NTM: variants seen among roughly 807,000 people sequenced by gnomAD.
NTM encodes IgLON family member 2.
Under a neutral mutation model 42.1 loss-of-function variants are expected in NTM, and 13 were observed. The observed-to-expected ratio is 0.31, with a 90% CI of 0.20 to 0.49. The LOEUF (loss-of-function observed/expected upper bound fraction) is 0.49. Among genes scored for constraint, NTM ranks in the 20% least tolerant of loss-of-function variants. The pLI, the probability that NTM is intolerant of heterozygous loss-of-function variation, is 0.99. For synonymous variants in NTM, 187 were observed against 179.2 expected (o/e 1.04, Z -0.35); for missense variants, 373 against 452.8 (o/e 0.82, Z 1.60).
At chr11:132,301,465 C>A (rs1179843984) in intron 4 of NTM, among the ~76,000 whole-genome samples, 1 of 152,188 alleles carries the variant, frequency 6.6e-6, no homozygotes, top group Non-Finnish European at 1.5e-5. Flanking sequence ...CTTCATGAGA[C>A]CTCAAAATCA....
intron 1 of NTM, among the ~76,000 whole-genome samples, chr11:131,612,585 T>C (rs534303291): frequency 2.0e-5 from 3 of 152,356 alleles, no homozygotes; most frequent in South Asian, 2.1e-4. Context: ...GCATATTAGA[T>C]GTCAAACATG....
chr11:131,514,343 C>T (rs1406574003), intron 1 of NTM, among the ~76,000 whole-genome samples: 1 of 152,062 alleles, frequency 6.6e-6, no homozygotes, highest in African/African-American at 2.4e-5. Flanking sequence ...CAGCTGAGTG[C>T]CCAGCACGTA....
At chr11:131,765,713 T>C (rs1353960506) in intron 1 of NTM, among the ~76,000 whole-genome samples, 1 of 152,154 alleles carries the variant, frequency 6.6e-6, no homozygotes, top group Non-Finnish European at 1.5e-5. Context: ...TTCACAGTCA[T>C]ACCCCATCCA....
At chr11:132,043,932 G>A (rs542439799) in intron 2 of NTM, among the ~76,000 whole-genome samples, 1 of 151,594 alleles carries the variant, frequency 6.6e-6, no homozygotes, top group Admixed American at 6.6e-5. Context: ...TGCCATCTCA[G>A]CATTTTAAGA....
At chr11:132,068,222 A>G (rs117689697) in intron 2 of NTM, among the ~76,000 whole-genome samples, 2,065 of 152,284 alleles carry the variant, frequency 0.014, 25 homozygotes, top group Non-Finnish European at 0.021. Context: ...GTTAATTTCT[A>G]AATCAAGGGT....
At chr11:131,535,201 A>G (rs112726107) in intron 1 of NTM, 4,984 of 152,328 alleles carry the variant, frequency 0.033, 117 homozygotes, top group Middle Eastern at 0.078. Context: ...TAATCGGTGC[A>G]TTGATTGCCT....
chr11:131,473,202 G>A (rs1393018898), intron 1 of NTM, among the ~76,000 whole-genome samples: 1 of 152,146 alleles, frequency 6.6e-6, no homozygotes, highest in African/African-American at 2.4e-5. Flanking sequence ...TTTGGGGCTT[G>A]GTAGCAGGCA....
At chr11:132,189,734 T>A (rs1425715558) in intron 3 of NTM, among the ~76,000 whole-genome samples, 5 of 152,172 alleles carry the variant, frequency 3.3e-5, no homozygotes, top group Admixed American at 3.3e-4. Flanking sequence ...CACTCCTGTG[T>A]CAATAGTTAT....
chr11:132,275,942 T>C (rs1236411070), intron 4 of NTM, among the ~76,000 whole-genome samples: 1 of 151,868 alleles, frequency 6.6e-6, no homozygotes, highest in Non-Finnish European at 1.5e-5. Context: ...ATTTTTCTTG[T>C]CTAATTGTGA....
At chr11:132,286,037 C>A (rs1301191293) in intron 4 of NTM, among the ~76,000 whole-genome samples, 1 of 152,194 alleles carries the variant, frequency 6.6e-6, no homozygotes, top group Non-Finnish European at 1.5e-5. Flanking sequence ...TCACCCCAAG[C>A]ACTTGGCTTG....
chr11:131,437,705 A>G (rs1949266649), intron 1 of NTM, among the ~76,000 whole-genome samples: 1 of 152,196 alleles, frequency 6.6e-6, no homozygotes, highest in Non-Finnish European at 1.5e-5. Context: ...GGTCTCCTGA[A>G]TAGAGCATAC....
chr11:131,588,058 ATT>A (rs754114627), intron 1 of NTM, among the ~76,000 whole-genome samples: 1 of 152,212 alleles, frequency 6.6e-6, no homozygotes, highest in Non-Finnish European at 1.5e-5. Context: ...GTCTCCTTTA[ATT>A]TTACATCACC....
intron 1 of NTM, among the ~76,000 whole-genome samples, chr11:131,743,066 G>T (rs1031147112): frequency 3.3e-5 from 5 of 152,182 alleles, no homozygotes; most frequent in African/African-American, 1.2e-4. Flanking sequence ...AAGGAGTTCA[G>T]AAAATAAGCT....
intron 2 of NTM, among the ~76,000 whole-genome samples, chr11:131,932,321 G>C (rs1237539415): frequency 1.3e-5 from 2 of 152,162 alleles, no homozygotes; most frequent in African/African-American, 4.8e-5. Flanking sequence ...AGGATGTCTA[G>C]AACAAGAATA....
intron 1 of NTM, among the ~76,000 whole-genome samples, chr11:131,631,780 C>T (rs1565352227): frequency 6.6e-6 from 1 of 152,246 alleles, no homozygotes; most frequent in East Asian, 1.9e-4. Context: ...AGAATGTCTG[C>T]CCTGTATCTT....
intron 1 of NTM, among the ~76,000 whole-genome samples, chr11:131,543,086 A>C: frequency 6.6e-6 from 1 of 152,218 alleles, no homozygotes; most frequent in Non-Finnish European, 1.5e-5. Flanking sequence ...TTCTCTTAGC[A>C]GAGTGAACGT....
At chr11:132,129,200 G>A (rs2066391096) in intron 2 of NTM, among the ~76,000 whole-genome samples, 3 of 152,122 alleles carry the variant, frequency 2.0e-5, no homozygotes, top group Admixed American at 2.0e-4. Context: ...GCTGTATAGG[G>A]ACTTGGTATC....
chr11:131,679,518 C>T (rs1170231399), intron 1 of NTM, among the ~76,000 whole-genome samples: 1 of 151,968 alleles, frequency 6.6e-6, no homozygotes. Flanking sequence ...GGCGTGGACA[C>T]AGAAGTGCGG....
intron 3 of NTM, 126 bp from the exon 4 acceptor site, chr11:132,211,896 T>A: frequency 4.9e-6 from 4 of 815,130 alleles, no homozygotes; most frequent in Non-Finnish European, 7.0e-6. Flanking sequence ...TTCCTCTAAT[T>A]TCTTATCGTT....
Sources: gnomAD v4.1 joint callset for allele counts (sites outside exome capture counted in the v4.1 genomes callset) on GRCh38, gnomAD v4.1.1 for gene constraint, MANE v1.5 for transcripts, NCBI Gene and HGNC (gene_info 2026-07-23, HGNC 2026-07-21) for gene names.